The following CLPX variants were observed in gnomAD, a reference collection of about 807,000 sequenced individuals.
The protein encoded by CLPX is ATP-dependent clpX-like chaperone, mitochondrial.
In CLPX, 34 loss-of-function variants were observed where a neutral mutation model predicts 76.4. That is an observed-to-expected ratio of 0.45 (90% confidence interval 0.34 to 0.59). CLPX has a LOEUF of 0.59. Among genes scored for constraint, CLPX ranks in the 20% least tolerant of loss-of-function variants. The pLI, the probability that CLPX is intolerant of heterozygous loss-of-function variation, is 0.01. For synonymous variants in CLPX, 248 were observed against 270.9 expected (o/e 0.92, Z 0.83); for missense variants, 613 against 757.0 (o/e 0.81, Z 2.23).
At chr15:65,162,952 C>T (rs2087870867) in intron 5 of CLPX, among the ~76,000 whole-genome samples, 1 of 152,140 alleles carries the variant, frequency 6.6e-6, no homozygotes, top group African/African-American at 2.4e-5. Context: ...GCTCCTCCAG[C>T]ACTTAGAATA....
At chr15:65,165,959 C>T (rs949039007) in intron 4 of CLPX, among the ~76,000 whole-genome samples, 1 of 152,104 alleles carries the variant, frequency 6.6e-6, no homozygotes, top group Non-Finnish European at 1.5e-5. Flanking sequence ...TCTAAGTGTG[C>T]AAACATCTGA....
chr15:65,170,438 C>G (rs2087985557), intron 3 of CLPX, among the ~76,000 whole-genome samples: 1 of 151,948 alleles, frequency 6.6e-6, no homozygotes, highest in South Asian at 2.1e-4. Context: ...ACAAACTAAT[C>G]TAAATGAAAA....
Position 65,158,629 on chromosome 15 carries a change from C to T in CLPX, c.838G>A (p.Asp280Asn). ...RGGEVLDSSHDDIKLEKSNIL... is the reference protein window; with the variant it reads ...RGGEVLDSSHNDIKLEKSNIL... Reference sequence around the variant, plus strand: ...TTACTTTTTTCAAGTTTTATGTCATCATGAGAAGAATCCAATACTTCACCT... The same window carrying T: ...TTACTTTTTTCAAGTTTTATGTCATTATGAGAAGAATCCAATACTTCACCT... Residue 280 changes from aspartate (D) to asparagine (N), a missense_variant, in exon 7 of 14, where the codon GAT (aspartate) becomes AAT (asparagine). By Grantham distance (23) the Asp-to-Asn change is conservative. Around this residue, in one of 2 missense-constraint regions of CLPX, gnomAD observed 450 missense variants for 638.6 expected, o/e 0.70. Coordinates refer to ENST00000300107, the MANE Select transcript of CLPX (RefSeq NM_006660.5). 6.2e-7 allele frequency: 1 copy of T among 1,613,880 alleles called. No individual in the cohort carries two copies. The highest frequency in any genetic ancestry group is 1.7e-4 in the Middle Eastern group (1 of 6,060).
chr15:65,178,636 C>T (rs956414171), intron 3 of CLPX, among the ~76,000 whole-genome samples: 3 of 151,354 alleles, frequency 2.0e-5, no homozygotes, highest in African/African-American at 4.9e-5. Context: ...GACCATGGCT[C>T]ACTGCAGCCT....
chr15:65,182,671 C>T (rs1329873391), intron 1 of CLPX, among the ~76,000 whole-genome samples: 1 of 152,210 alleles, frequency 6.6e-6, no homozygotes, highest in African/African-American at 2.4e-5. Flanking sequence ...CACAGAATCT[C>T]TGAATTCTAT....
chr15:65,168,201 C>T (rs185797716), intron 3 of CLPX, among the ~76,000 whole-genome samples: 40 of 150,690 alleles, frequency 2.7e-4, no homozygotes, highest in Admixed American at 2.1e-3. Context: ...CTGGCTAACA[C>T]GGTAAAACCC....
chr15:65,164,936 A>G (rs2087891155), intron 4 of CLPX, among the ~76,000 whole-genome samples: 2 of 152,156 alleles, frequency 1.3e-5, no homozygotes, highest in Admixed American at 6.6e-5. Context: ...TATTCTTAAT[A>G]GTAGCTAAAG....
In CLPX at chr15:65,178,926, A is replaced by C; in HGVS notation, c.358+8T>G. On this transcript the variant is annotated splice_region_variant and intron_variant, in intron 3 of 13. Coordinates refer to ENST00000300107, the MANE Select transcript of CLPX (RefSeq NM_006660.5). ...GGAAAAAAGAACAGTAGAAGATGTA[A>C]TACTTACATACAAAGGTCTCTACAT... 6.9e-7 allele frequency: 1 copy of C among 1,458,718 alleles called. No individual in the cohort carries two copies. The highest frequency in any genetic ancestry group is 9.5e-7 in the Non-Finnish European group (1 of 1,053,784). 90.4% of individuals were successfully genotyped at this position (1,458,718 alleles called of 1,614,324 possible).
intron 10 of CLPX, 70 bp downstream of exon 10, chr15:65,155,622 G>A: frequency 2.3e-6 from 3 of 1,278,802 alleles, no homozygotes; most frequent in Non-Finnish European, 3.3e-6. Flanking sequence ...CCGCAGATAT[G>A]AGAATGGAAA....
chr15:65,170,886 G>A (rs528662307), intron 3 of CLPX, among the ~76,000 whole-genome samples: 72 of 131,082 alleles, frequency 5.5e-4, no homozygotes, highest in African/African-American at 1.7e-3. Context: ...GCAGTGGCAC[G>A]ATCTGGGCTC....
In CLPX at chr15:65,170,492, G is replaced by A. The variant is rs145313234; in HGVS notation, c.359-3707C>T. Among the ~76,000 whole-genome samples, 360 of 152,096 alleles carry A rather than the reference G, an allele frequency of 2.4e-3. 11 individuals carry two copies. The East Asian group carries it at 0.063, about 27-fold the overall frequency. ...TAAAAAAACAACTTTAGGCTGAGCGGGGTGGCTCAGGCCTGTAATCCCAGC... is the reference window on the plus strand; with the variant it reads ...TAAAAAAACAACTTTAGGCTGAGCGAGGTGGCTCAGGCCTGTAATCCCAGC... On this transcript the variant is annotated intron_variant, in intron 3 of 13. Transcript: ENST00000300107.
At chr15:65,162,726 C>A in intron 5 of CLPX, 81 bp from the exon 6 acceptor site, 1 of 733,318 alleles carries the variant, frequency 1.4e-6, no homozygotes, top group South Asian at 1.7e-5. Flanking sequence ...TGTCCTCTTT[C>A]AAATATATTT....
intron 2 of CLPX, among the ~76,000 whole-genome samples, chr15:65,179,491 G>T (rs2088135238): frequency 6.6e-6 from 1 of 152,170 alleles, no homozygotes. Context: ...GTATGGATAT[G>T]TAAGTGTCTC....
intron 3 of CLPX, among the ~76,000 whole-genome samples, chr15:65,177,161 C>T (rs2088101836): frequency 6.6e-6 from 1 of 151,896 alleles, no homozygotes; most frequent in African/African-American, 2.4e-5. Context: ...CTCCACCTCC[C>T]AGGTTCAAGA....
chr15:65,166,013 C>G (rs2087907584), intron 4 of CLPX, among the ~76,000 whole-genome samples: 2 of 152,244 alleles, frequency 1.3e-5, no homozygotes, highest in African/African-American at 4.8e-5. Flanking sequence ...TACAAGGGTT[C>G]CCAGTTCTCA....
intron 6 of CLPX, among the ~76,000 whole-genome samples, 183 bp downstream of exon 6, chr15:65,162,421 C>T (rs749557809): frequency 8.5e-5 from 13 of 152,108 alleles, no homozygotes; most frequent in Admixed American, 3.9e-4. Context: ...CACAAATTAG[C>T]TATGAAAAAC....
intron 4 of CLPX, among the ~76,000 whole-genome samples, 177 bp from the exon 5 acceptor site, chr15:65,164,365 A>G (rs1361617297): frequency 6.6e-6 from 1 of 152,230 alleles, no homozygotes. Context: ...ACACTAAATG[A>G]ACAAAAACAC....
At chr15:65,160,871 ATC>A (rs779067876) in intron 6 of CLPX, among the ~76,000 whole-genome samples, 63 of 152,300 alleles carry the variant, frequency 4.1e-4, no homozygotes, top group Non-Finnish European at 6.3e-4. Context: ...CTGTTTGTGC[ATC>A]TCTCACTGTG....
chr15:65,172,357 C>A (rs1396700231), intron 3 of CLPX, among the ~76,000 whole-genome samples: 1 of 152,138 alleles, frequency 6.6e-6, no homozygotes, highest in East Asian at 1.9e-4. Flanking sequence ...CTACAAGTAT[C>A]CTATATTTCT....
Sources: gnomAD v4.1 joint callset for allele counts (sites outside exome capture counted in the v4.1 genomes callset) on GRCh38, gnomAD v4.1.1 for gene constraint, gnomAD v4.1.1 regional missense constraint, MANE v1.5 for transcripts, NCBI Gene and HGNC (gene_info 2026-07-23, HGNC 2026-07-21) for gene names.